Variants in FOLH1 observed in about 807,000 individuals in gnomAD.
The protein encoded by FOLH1 is folate hydrolase 1, also known as glutamate carboxypeptidase 2.
Under a neutral mutation model 93.9 loss-of-function variants are expected in FOLH1, and 54 were observed. That is an observed-to-expected ratio of 0.57 (90% confidence interval 0.46 to 0.72). The LOEUF (loss-of-function observed/expected upper bound fraction) is 0.72, where lower values mean the gene tolerates loss of function less well. Among genes scored for constraint, FOLH1 ranks in the 30% least tolerant of loss-of-function variants. The pLI, the probability that FOLH1 is intolerant of heterozygous loss-of-function variation, is 0.00. For missense variants in FOLH1, 571 were observed against 892.5 expected, an observed-to-expected ratio of 0.64 and a Z score of 4.59; for synonymous variants, 249 against 303.6, an observed-to-expected ratio of 0.82 and a Z score of 1.87.
chr11:49,200,155 A>G (rs1473568138), intron 3 of FOLH1, 100 bp downstream of exon 3: 9 of 1,106,878 alleles, frequency 8.1e-6, no homozygotes, highest in Non-Finnish European at 1.1e-5. Context: ...ATTGATTTCT[A>G]TTAATATTTA....
chr11:49,190,500 C>T (rs1861913860), intron 4 of FOLH1, among the ~76,000 whole-genome samples: 1 of 152,174 alleles, frequency 6.6e-6, no homozygotes, highest in Non-Finnish European at 1.5e-5. Context: ...ATCTCCCTAA[C>T]TCTTATTTAT....
At chr11:49,155,967 C>A (rs71477493) in intron 15 of FOLH1, among the ~76,000 whole-genome samples, 10,343 of 151,304 alleles carry the variant, frequency 0.068, 400 homozygotes, top group Middle Eastern at 0.11. Flanking sequence ...ATGGGAGAGA[C>A]TTTATGGGAG....
At chr11:49,183,051 A>C in intron 7 of FOLH1, 98 bp downstream of exon 7, 1 of 1,044,706 alleles carries the variant, frequency 9.6e-7, no homozygotes. Context: ...CATGTTGGAA[A>C]ATTTAAGTAC....
intron 3 of FOLH1, among the ~76,000 whole-genome samples, chr11:49,197,327 C>A (rs550702993): frequency 1.1e-4 from 17 of 152,212 alleles, no homozygotes; most frequent in Middle Eastern, 3.4e-3. Context: ...CAAGGAAATG[C>A]CTTTTTGGTT....
At chr11:49,196,499 T>C (rs1426652892) in intron 3 of FOLH1, among the ~76,000 whole-genome samples, 3 of 152,044 alleles carry the variant, frequency 2.0e-5, no homozygotes, top group African/African-American at 7.2e-5. Flanking sequence ...ACCCAACAAA[T>C]AGATTGCAAA....
Position 49,169,222 on chromosome 11 carries a change from A to T in FOLH1, c.1345T>A (p.Tyr449Asn). 6.2e-7 allele frequency: 1 copy of T among 1,613,366 alleles called. No homozygotes were observed. Among genetic ancestry groups the T allele is most frequent in the Non-Finnish European group, 8.5e-7 (1 of 1,179,414 alleles). ...TCTATAGATGAGTCAGCATTAATAT[A>T]AGCCACGCCACGCTCTTGAAGGAGT... Reference protein sequence around the residue: ...SRLLQERGVAYINADSSIEGN... With the variant: ...SRLLQERGVANINADSSIEGN... The change falls in exon 12 of 19, where the codon TAT becomes AAT. Residue 449 changes from tyrosine to asparagine, a missense_variant. Physicochemically the swap from Tyr to Asn is moderately radical, Grantham distance 143. This residue lies in a region of FOLH1 where 500 missense variants were observed against 822.9 expected (regional missense o/e 0.61). Transcript: ENST00000256999.
intron 15 of FOLH1, among the ~76,000 whole-genome samples, chr11:49,154,923 T>C (rs1226193928): frequency 2.6e-5 from 4 of 151,944 alleles, no homozygotes; most frequent in African/African-American, 4.8e-5. Flanking sequence ...TAAAATTCCA[T>C]GGATAAATGA....
chr11:49,166,003 T>G (rs1341080580), intron 12 of FOLH1, among the ~76,000 whole-genome samples: 1 of 152,152 alleles, frequency 6.6e-6, no homozygotes, highest in Non-Finnish European at 1.5e-5. Flanking sequence ...TCTCCTCACA[T>G]TATACCAAAA....
intron 13 of FOLH1, among the ~76,000 whole-genome samples, chr11:49,158,521 C>A (rs1035253735): frequency 2.0e-5 from 3 of 152,120 alleles, no homozygotes; most frequent in Non-Finnish European, 4.4e-5. Context: ...GTTCTTGTAC[C>A]AGTATCATGC....
At position 49,154,933 on chromosome 11, in the gene FOLH1, A is replaced by G. The variant is rs574612786; in HGVS notation, c.1624-441T>C. Among the ~76,000 whole-genome samples the G allele has an allele frequency of 6.4e-4, 97 of 152,128 alleles. No individual in the cohort carries two copies. The South Asian group carries it at 0.012, about 18-fold the overall frequency. ...ATCACTAAAATTCCATGGATAAATG[A>G]TTGTCTGACAAGCAGTGTACTGAAG... On this transcript the variant is annotated intron_variant, in intron 15 of 18. Coordinates refer to ENST00000256999, the MANE Select transcript of FOLH1 (RefSeq NM_004476.3).
At position 49,185,188 on chromosome 11, in the gene FOLH1, G is replaced by GA. The variant is rs562564709; in HGVS notation, c.826+480dup. On this transcript the variant is annotated intron_variant, in intron 6 of 18. Transcript: ENST00000256999. ...CTCTCCTGTCCCTTACCCACACTGT[G>GA]AAATCTGTAAATCTGGGGGGAATTT... is the stretch of plus-strand genomic sequence containing the variant. Among the ~76,000 whole-genome samples, 326 of 152,248 alleles carry GA rather than the reference G, an allele frequency of 2.1e-3. 2 individuals are homozygous for GA. The highest frequency in any genetic ancestry group is 3.0e-3 in the Non-Finnish European group (207 of 68,012).
chr11:49,178,244 A>C (rs1207980278), intron 7 of FOLH1, among the ~76,000 whole-genome samples: 2 of 152,166 alleles, frequency 1.3e-5, no homozygotes, highest in South Asian at 4.1e-4. Context: ...AACCCTCTGC[A>C]TTTTGCAGTG....
chr11:49,186,719 C>A lies in FOLH1; in HGVS notation c.564G>T (p.Leu188Phe), dbSNP rs761741517. The A allele has an allele frequency of 1.2e-6, 2 of 1,613,034 alleles. No individual in the cohort carries two copies. Among genetic ancestry groups the A allele is most frequent in the Non-Finnish European group, 8.5e-7 (1 of 1,179,572 alleles). ...AGCAATTGATTTTCATGTCCCGTTCCAATTTAAAGAAGTCTTCAGTTCGTG... is the reference window on the plus strand; with the variant it reads ...AGCAATTGATTTTCATGTCCCGTTCAAATTTAAAGAAGTCTTCAGTTCGTG... The part of the protein sequence containing the change: ...NYARTEDFFK[L>F]ERDMKINCSG... The change falls in exon 5 of 19, where the codon TTG becomes TTT. Residue 188 changes from leucine to phenylalanine, a missense_variant. Physicochemically the swap from Leu to Phe is conservative, Grantham distance 22. This residue lies in a region of FOLH1 where 500 missense variants were observed against 822.9 expected (regional missense o/e 0.61). Coordinates refer to ENST00000256999, the MANE Select transcript of FOLH1 (RefSeq NM_004476.3).
At chr11:49,153,312 T>C (rs1856667759) in intron 17 of FOLH1, among the ~76,000 whole-genome samples, 1 of 151,460 alleles carries the variant, frequency 6.6e-6, no homozygotes, top group South Asian at 2.1e-4. Flanking sequence ...ATAAACAGAA[T>C]TTTGCCAGAT....
chr11:49,165,628 A>T (rs916789237), intron 12 of FOLH1, among the ~76,000 whole-genome samples: 1 of 152,146 alleles, frequency 6.6e-6, no homozygotes, highest in Non-Finnish European at 1.5e-5. Flanking sequence ...GTTGGGGGGA[A>T]AAATGGTATT....
intron 9 of FOLH1, 131 bp downstream of exon 9, chr11:49,174,761 G>T: frequency 1.3e-6 from 1 of 796,778 alleles, no homozygotes; most frequent in South Asian, 1.9e-5. Context: ...GTTTTTAGGT[G>T]AGTTCCACCG....
At chr11:49,168,005 GA>G (rs1046052083) in intron 12 of FOLH1, among the ~76,000 whole-genome samples, 5 of 146,750 alleles carry the variant, frequency 3.4e-5, no homozygotes, top group African/African-American at 5.0e-5. Flanking sequence ...ATACACTAAA[GA>G]AAATATTCTA....
At position 49,175,212 on chromosome 11, in the gene FOLH1, C is replaced by T. The variant is rs372711873; in HGVS notation, c.1020-235G>A. Among the ~76,000 whole-genome samples the T allele has an allele frequency of 1.2e-4, 19 of 152,244 alleles. No homozygotes were observed. The South Asian group carries it at 3.7e-3, about 30-fold the overall frequency. On this transcript the variant is annotated intron_variant, in intron 8 of 18. Transcript: ENST00000256999. ...AAATGGCTAAAGTTTAACTAGCACC[C>T]TCTTCATAGAGGAGGGGGAAGTGGG...
chr11:49,159,422 A>G (rs1359812832), intron 13 of FOLH1, among the ~76,000 whole-genome samples: 1 of 152,164 alleles, frequency 6.6e-6, no homozygotes, highest in African/African-American at 2.4e-5. Flanking sequence ...TGCCTATGTG[A>G]TTAACTGCAT....
Sources: gnomAD v4.1 joint callset for allele counts (sites outside exome capture counted in the v4.1 genomes callset) on GRCh38, gnomAD v4.1.1 for gene constraint, gnomAD v4.1.1 regional missense constraint, MANE v1.5 for transcripts, NCBI Gene and HGNC (gene_info 2026-07-23, HGNC 2026-07-21) for gene names.